Variants in EFL1 observed in about 807,000 individuals in gnomAD.
EFL1 encodes the protein elongation factor like GTPase 1, also known as elongation factor-like GTPase 1.
In EFL1, 76 loss-of-function variants were observed where a neutral mutation model predicts 126.7. The observed-to-expected ratio is 0.60, with a 90% CI of 0.50 to 0.73. The LOEUF (loss-of-function observed/expected upper bound fraction) is 0.73, where lower values mean the gene tolerates loss of function less well. Ranked by LOEUF, EFL1 falls within the 30% of genes least tolerant of loss-of-function variation. The pLI, the probability that EFL1 is intolerant of heterozygous loss-of-function variation, is 0.00. For missense variants in EFL1, 1,128 were observed against 1,343.2 expected (o/e 0.84, Z 2.50); for synonymous variants, 410 against 448.4 (o/e 0.91, Z 1.08).
chr15:82,186,095 T>C lies in EFL1; in HGVS notation c.1751-22111A>G, dbSNP rs2141265550. Among the ~76,000 whole-genome samples the C allele has an allele frequency of 2.0e-5, 3 of 152,270 alleles. No homozygotes were observed. The South Asian group carries it at 6.2e-4, about 32-fold the overall frequency. On this transcript the variant is annotated intron_variant, in intron 15 of 19. Transcript: ENST00000268206. Reference sequence around the variant, plus strand: ...CTTTTTTTTTGTAAGGGGGGACTTGTCATTCTTTCTCTGATTACCTCAGTG... The same window carrying C: ...CTTTTTTTTTGTAAGGGGGGACTTGCCATTCTTTCTCTGATTACCTCAGTG...
At chr15:82,133,663 A>G (rs1029788815) in intron 19 of EFL1, among the ~76,000 whole-genome samples, 1 of 152,358 alleles carries the variant, frequency 6.6e-6, no homozygotes. Flanking sequence ...TAATTTTTTT[A>G]ACAAATTCTT....
intron 15 of EFL1, among the ~76,000 whole-genome samples, chr15:82,197,044 A>G (rs57014042): frequency 2.0e-5 from 3 of 151,880 alleles, no homozygotes; most frequent in Non-Finnish European, 4.4e-5. Context: ...AAAAAAAAAA[A>G]AAAAATTGTG....
At chr15:82,157,354 A>G in intron 17 of EFL1, 1 of 163,128 alleles carries the variant, frequency 6.1e-6, no homozygotes, top group Non-Finnish European at 1.3e-5. Flanking sequence ...TAAAGACCAC[A>G]TCAATAAGAG....
intron 15 of EFL1, among the ~76,000 whole-genome samples, chr15:82,177,707 G>T (rs1271541594): frequency 6.6e-6 from 1 of 152,162 alleles, no homozygotes. Flanking sequence ...CTCTACTGCT[G>T]CCTTTATTTA....
intron 15 of EFL1, among the ~76,000 whole-genome samples, chr15:82,172,938 ATTAT>A (rs2074152089): frequency 6.6e-6 from 1 of 152,214 alleles, no homozygotes; most frequent in South Asian, 2.1e-4. Context: ...AGGCAGGCAG[ATTAT>A]TTTATCTTTG....
At chr15:82,256,865 G>A (rs1396080613) in intron 3 of EFL1, among the ~76,000 whole-genome samples, 2 of 152,100 alleles carry the variant, frequency 1.3e-5, no homozygotes, top group African/African-American at 2.4e-5. Context: ...TGAATTGTTT[G>A]TTAATGAGGA....
chr15:82,164,129 T>TC, intron 15 of EFL1, 145 bp from the exon 16 acceptor site: 1 of 477,408 alleles, frequency 2.1e-6, no homozygotes, highest in South Asian at 5.5e-5. Flanking sequence ...ACCTGCACTG[T>TC]TTTTTTTTTT....
Position 82,252,734 on chromosome 15 carries a change from C to A in EFL1, c.201G>T (p.Gly67=), listed in dbSNP as rs1377068998. The A allele has an allele frequency of 3.1e-6, 5 of 1,613,190 alleles. No individual in the cohort carries two copies. The highest frequency in any genetic ancestry group is 4.2e-6 in the Non-Finnish European group (5 of 1,179,250). The change falls in exon 4 of 20, where the codon GGG becomes GGT. Residue 67 remains glycine, a synonymous_variant. Coordinates refer to ENST00000268206, the MANE Select transcript of EFL1 (RefSeq NM_024580.6). Reference sequence around the variant, plus strand: ...AAATGGCACTGGATTTCATAGTGATCCCTCGGATCTGTTCATCTTCTCTGC... The same window carrying A: ...AAATGGCACTGGATTTCATAGTGATACCTCGGATCTGTTCATCTTCTCTGC... ...MDSREDEQIR[G]ITMKSSAISL...
chr15:82,186,070 C>CT (rs983838622), intron 15 of EFL1, among the ~76,000 whole-genome samples: 34 of 150,906 alleles, frequency 2.3e-4, no homozygotes, highest in African/African-American at 3.9e-4. Flanking sequence ...CTAGTATCTT[C>CT]TTTTTTTTTG....
At chr15:82,143,786 C>T (rs1218550003) in intron 18 of EFL1, among the ~76,000 whole-genome samples, 1 of 152,122 alleles carries the variant, frequency 6.6e-6, no homozygotes, top group Non-Finnish European at 1.5e-5. Flanking sequence ...AAAGAAGGCA[C>T]AATGATCAAA....
intron 4 of EFL1, among the ~76,000 whole-genome samples, chr15:82,243,517 A>G (rs992415218): frequency 7.8e-5 from 2 of 25,642 alleles, no homozygotes; most frequent in Non-Finnish European, 1.6e-4. Context: ...TTGCCTATTC[A>G]TCTGGCTAAA....
chr15:82,241,421 A>G lies in EFL1; in HGVS notation c.245-18T>C, dbSNP rs1417102314. On this transcript the variant is annotated intron_variant, in intron 4 of 19. Transcript: ENST00000268206. ...CTCATTACCTAAAATACAATTTGTA[A>G]ACACACATTTTCAGTTGTCCAGGTA... The G allele has an allele frequency of 6.2e-7, 1 of 1,609,098 alleles. No individual in the cohort carries two copies. The highest frequency in any genetic ancestry group is 8.5e-7 in the Non-Finnish European group (1 of 1,177,094).
intron 15 of EFL1, among the ~76,000 whole-genome samples, chr15:82,210,809 C>T (rs1244731843): frequency 6.7e-6 from 1 of 148,810 alleles, no homozygotes; most frequent in Non-Finnish European, 1.5e-5. Context: ...TTTCAGTGAG[C>T]TAAGATTGCA....
Position 82,240,652 on chromosome 15 carries a change from T to C in EFL1, c.379-97A>G, listed in dbSNP as rs561230134. The C allele has an allele frequency of 2.9e-5, 41 of 1,410,524 alleles. No homozygotes were observed. In the South Asian group the frequency reaches 5.3e-4, roughly 18 times the overall value. 87.4% of individuals were successfully genotyped at this position (1,410,524 alleles called of 1,614,324 possible). On this transcript the variant is annotated intron_variant, in intron 5 of 19. Transcript: ENST00000268206. ...TAATAACCACTCTAGACTATGCCAGTCAGACAAAGGTATTCATTAGGCATT... is the reference window on the plus strand; with the variant it reads ...TAATAACCACTCTAGACTATGCCAGCCAGACAAAGGTATTCATTAGGCATT...
At chr15:82,143,169 T>G (rs1283935999) in intron 18 of EFL1, among the ~76,000 whole-genome samples, 1 of 152,208 alleles carries the variant, frequency 6.6e-6, no homozygotes, top group Non-Finnish European at 1.5e-5. Context: ...ATTTCCAATT[T>G]CAGAATAATA....
At chr15:82,199,207 T>C (rs556688341) in intron 15 of EFL1, among the ~76,000 whole-genome samples, 2 of 152,264 alleles carry the variant, frequency 1.3e-5, no homozygotes, top group South Asian at 2.1e-4. Context: ...GAAAAGGTCT[T>C]ATCCAAAAGC....
Position 82,151,470 on chromosome 15 carries a change from A to C in EFL1, c.2984T>G (p.Val995Gly). ...YTCDIMATGD[V>G]LGRVYAVLSK... ...CTTTACCTTTTCTTCCTTACCGAGAACATCACCAGTGGCCATGATGTCACA... is the reference window on the plus strand; with the variant it reads ...CTTTACCTTTTCTTCCTTACCGAGACCATCACCAGTGGCCATGATGTCACA... Residue 995 changes from valine to glycine, a missense_variant, in exon 18 of 20, where the codon GTT (valine) becomes GGT (glycine). Coordinates refer to ENST00000268206, the MANE Select transcript of EFL1 (RefSeq NM_024580.6). 1 of 1,606,210 alleles carries C rather than the reference A, an allele frequency of 6.2e-7. No individual in the cohort carries two copies. The highest frequency in any genetic ancestry group is 8.5e-7 in the Non-Finnish European group (1 of 1,176,958).
At chr15:82,150,270 T>G (rs1327143949) in intron 18 of EFL1, among the ~76,000 whole-genome samples, 1 of 152,162 alleles carries the variant, frequency 6.6e-6, no homozygotes, top group Admixed American at 6.5e-5. Context: ...AAACTTAGAT[T>G]TCTGCTTTCA....
At chr15:82,235,038 T>A (rs986661906) in intron 7 of EFL1, among the ~76,000 whole-genome samples, 3 of 151,938 alleles carry the variant, frequency 2.0e-5, no homozygotes, top group Admixed American at 6.6e-5. Flanking sequence ...GGAGAGGCAA[T>A]AAGAAGAAAT....
Sources: allele counts gnomAD v4.1 joint callset (sites outside exome capture counted in the v4.1 genomes callset), GRCh38; gene constraint gnomAD v4.1.1; transcripts MANE v1.5; gene names NCBI Gene and HGNC (gene_info 2026-07-23, HGNC 2026-07-21).